Variants in IGLL5 observed in about 807,000 individuals in gnomAD.
IGLL5 encodes the protein immunoglobulin lambda-like polypeptide 5.
Under a neutral mutation model 20.9 loss-of-function variants are expected in IGLL5, and 30 were observed. The observed-to-expected ratio is 1.44, with a 90% CI of 1.07 to 1.95. The LOEUF is 1.95. Among genes scored for constraint, IGLL5 ranks in the 30% most tolerant of loss-of-function variants. The pLI is 0.00. For synonymous variants in IGLL5, 203 were observed against 117.3 expected (o/e 1.73, Z -4.72); for missense variants, 475 against 270.7 (o/e 1.75, Z -5.30).
At chr22:22,894,632 A>G (rs571601943) in intron 2 of IGLL5, among the ~76,000 whole-genome samples, 7 of 150,970 alleles carry the variant, frequency 4.6e-5, no homozygotes, top group South Asian at 4.2e-4. Context: ...AGAGAACTCC[A>G]TGGCTACCAG....
intron 1 of IGLL5, 28 bp downstream of exon 1, chr22:22,888,287 T>G (rs570730674): frequency 6.5e-6 from 10 of 1,541,182 alleles, no homozygotes; most frequent in Admixed American, 5.9e-5. Context: ...CCAGGGGATG[T>G]GGGGGTCCTG....
chr22:22,895,658 C>T lies in IGLL5; in HGVS notation c.609C>T (p.Thr203=), dbSNP rs371408190. Residue 203 remains threonine (T), a synonymous_variant, in exon 3 of 3, where the codon ACC becomes ACT. Transcript: ENST00000526893. ...YSCQVTHEGS[T]VEKTVAPTEC... ...GCCAGGTCACGCATGAAGGGAGCAC[C>T]GTGGAGAAGACAGTGGCCCCTACAG... 2.9e-5 allele frequency: 47 copies of T among 1,613,140 alleles called. No homozygotes were observed. The highest frequency in any genetic ancestry group is 6.7e-5 in the Admixed American group (4 of 59,880).
rs527806950 is a variant in IGLL5, at chr22:22,888,721, C to T, written c.206+462C>T. ...CAGCAAGGGCTTGGTTTGGTCTCCC[C>T]CAAGGCTGTCTGTTCACCAACTTGC... On this transcript the variant is annotated intron_variant, in intron 1 of 2. Transcript: ENST00000526893. Among the ~76,000 whole-genome samples, 2 of 151,380 alleles carry T rather than the reference C, an allele frequency of 1.3e-5. 1 individual carries two copies. Among genetic ancestry groups the T allele is most frequent in the African/African-American group, 4.8e-5 (2 of 41,304 alleles).
chr22:22,887,861 C>A lies in IGLL5; in HGVS notation c.-193C>A, dbSNP rs1475002904. The A allele has an allele frequency of 2.1e-5, 13 of 625,746 alleles. No individual in the cohort carries two copies. The highest frequency in any genetic ancestry group is 3.7e-5 in the African/African-American group (2 of 54,490). 38.8% of individuals were successfully genotyped at this position (625,746 alleles called of 1,614,324 possible). The stretch of plus-strand genomic sequence containing the variant: ...GGTAGATGCCCCTCTGGGAGAGATC[C>A]CCAGGGGTGACAGCCATGGACCCTG... On this transcript the variant is annotated 5_prime_UTR_variant, in exon 1 of 3. Coordinates refer to ENST00000526893, the MANE Select transcript of IGLL5 (RefSeq NM_001178126.2).
In IGLL5 at chr22:22,895,836, C is replaced by A. The variant is rs534581222; in HGVS notation, c.*142C>A. 5 of 815,678 alleles carry A rather than the reference C, an allele frequency of 6.1e-6. No homozygotes were observed. In the South Asian group the frequency reaches 6.3e-5, roughly 10 times the overall value. The allele number at this position is 815,678 out of a possible 1,614,324, so 50.5% of individuals were successfully genotyped here. ...AATATCCTCATTGACAACCAGAAAT[C>A]TTGTTTTATCTCATTTTTTTTCTCA... is the stretch of plus-strand genomic sequence containing the variant. On this transcript the variant is annotated 3_prime_UTR_variant, in exon 3 of 3. Coordinates refer to ENST00000526893, the MANE Select transcript of IGLL5 (RefSeq NM_001178126.2).
chr22:22,888,768 A>T (rs570329949), intron 1 of IGLL5, among the ~76,000 whole-genome samples: 3 of 151,410 alleles, frequency 2.0e-5, no homozygotes, highest in South Asian at 2.1e-4. Flanking sequence ...TACTGGGGCC[A>T]GGCTCAAGGA....
chr22:22,888,367 G>C (rs1261578380), intron 1 of IGLL5, 108 bp downstream of exon 1: 5 of 990,826 alleles, frequency 5.0e-6, no homozygotes, highest in Non-Finnish European at 7.4e-6. Flanking sequence ...TAACCCCTAA[G>C]AGGGGCCTGG....
chr22:22,888,862 AG>A (rs2067657852), intron 1 of IGLL5, among the ~76,000 whole-genome samples: 1 of 151,376 alleles, frequency 6.6e-6, no homozygotes, highest in East Asian at 2.0e-4. Flanking sequence ...ATAAAGGGAG[AG>A]GGGATCTCCC....
chr22:22,889,004 A>T (rs540227537), intron 1 of IGLL5, among the ~76,000 whole-genome samples: 1 of 151,326 alleles, frequency 6.6e-6, no homozygotes, highest in African/African-American at 2.4e-5. Flanking sequence ...GGTGACTGGG[A>T]AGGGGAGGCA....
chr22:22,888,962 A>C (rs561322767), intron 1 of IGLL5, among the ~76,000 whole-genome samples: 3 of 151,300 alleles, frequency 2.0e-5, no homozygotes, highest in East Asian at 2.0e-4. Context: ...GTCAGAGGAG[A>C]GGAGAGCACA....
intron 2 of IGLL5, among the ~76,000 whole-genome samples, chr22:22,894,040 G>GAAGA: frequency 6.6e-6 from 1 of 150,586 alleles, no homozygotes; most frequent in Middle Eastern, 3.8e-3. Context: ...CGGGGCCTGA[G>GAAGA]CTGGGATTGG....
At chr22:22,894,056 G>A (rs534485281) in intron 2 of IGLL5, among the ~76,000 whole-genome samples, 3 of 151,496 alleles carry the variant, frequency 2.0e-5, no homozygotes, top group South Asian at 2.1e-4. Flanking sequence ...ATTGGGCAGG[G>A]TCAGGGCTCC....
At chr22:22,894,521 T>A (rs1229434735) in intron 2 of IGLL5, among the ~76,000 whole-genome samples, 1 of 151,396 alleles carries the variant, frequency 6.6e-6, no homozygotes, top group Non-Finnish European at 1.5e-5. Flanking sequence ...CCCCGTCACC[T>A]CTGGGGCCCA....
chr22:22,895,327 C>T (rs766725854), intron 2 of IGLL5, 48 bp from the exon 3 acceptor site: 2 of 1,548,250 alleles, frequency 1.3e-6, no homozygotes, highest in South Asian at 1.1e-5. Flanking sequence ...CTCCACAACA[C>T]CCCGGTATTC....
rs1230733003 is a variant in IGLL5 at position 22,888,123 on chromosome 22, T to C, written c.70T>C (p.Trp24Arg). ...EELGPGPRQR[W>R]PLLLLGLAMV... ...GCTGGGCCCTGGTCCCAGGCAGCGC[T>C]GGCCCCTGCTGCTGCTGGGTCTGGC... The change falls in exon 1 of 3, where the codon TGG becomes CGG. Residue 24 changes from tryptophan to arginine, a missense_variant. Transcript: ENST00000526893. 10 of 1,549,684 alleles carry C rather than the reference T, an allele frequency of 6.5e-6. No homozygotes were observed. The highest frequency in any genetic ancestry group is 3.6e-5 in the South Asian group (3 of 83,972).
At chr22:22,889,772 A>T (rs577414989) in intron 1 of IGLL5, among the ~76,000 whole-genome samples, 3 of 151,274 alleles carry the variant, frequency 2.0e-5, no homozygotes, top group South Asian at 2.1e-4. Context: ...TAGGATTATT[A>T]TTAGTTTAGA....
intron 1 of IGLL5, among the ~76,000 whole-genome samples, chr22:22,889,527 A>C: frequency 6.6e-6 from 1 of 151,248 alleles, no homozygotes; most frequent in East Asian, 2.0e-4. Context: ...ATGGGAGAAA[A>C]CTGGAAAAAA....
chr22:22,889,655 A>G (rs2067742750), intron 1 of IGLL5, among the ~76,000 whole-genome samples: 1 of 151,300 alleles, frequency 6.6e-6, no homozygotes, highest in Admixed American at 6.6e-5. Context: ...TGGCGTGGCC[A>G]CAGCTCACTG....
chr22:22,894,075 T>A (rs1601623232), intron 2 of IGLL5, among the ~76,000 whole-genome samples: 1 of 151,234 alleles, frequency 6.6e-6, no homozygotes, highest in African/African-American at 2.4e-5. Flanking sequence ...CCTCCTCTCT[T>A]CCAGGGCAGA....
Sources: allele counts gnomAD v4.1 joint callset (sites outside exome capture counted in the v4.1 genomes callset), GRCh38; gene constraint gnomAD v4.1.1; transcripts MANE v1.5; gene names NCBI Gene and HGNC (gene_info 2026-07-23, HGNC 2026-07-21).